CDIN1: variants seen among roughly 807,000 people sequenced by gnomAD.
CDIN1 encodes the protein CDAN1 interacting nuclease 1, also known as CDAN1-interacting nuclease 1.
Under a neutral mutation model 45.3 loss-of-function variants are expected in CDIN1, and 33 were observed. The ratio of observed to expected loss-of-function variants is 0.73; its 90% confidence interval spans 0.55 to 0.97. The LOEUF (loss-of-function observed/expected upper bound fraction) is 0.97, where lower values mean the gene tolerates loss of function less well. Among genes scored for constraint, CDIN1 ranks in the 50% least tolerant of loss-of-function variants. CDIN1 has a pLI of 0.00. For missense variants in CDIN1, 303 were observed against 339.4 expected, an observed-to-expected ratio of 0.89 and a Z score of 0.84; for synonymous variants, 118 against 124.4, an observed-to-expected ratio of 0.95 and a Z score of 0.34.
intron 10 of CDIN1, among the ~76,000 whole-genome samples, chr15:36,743,821 C>T (rs765840772): frequency 2.6e-5 from 4 of 151,538 alleles, no homozygotes; most frequent in African/African-American, 7.3e-5. Flanking sequence ...CCCTGGAGGT[C>T]GAGCCTGCAG....
chr15:36,651,414 T>C (rs371548700), intron 3 of CDIN1, among the ~76,000 whole-genome samples: 17 of 152,342 alleles, frequency 1.1e-4, no homozygotes, highest in Admixed American at 3.3e-4. Flanking sequence ...AATTATGTCT[T>C]TATGGAATAT....
intron 1 of CDIN1, chr15:36,626,967 A>G (rs527979922): frequency 9.9e-5 from 18 of 182,256 alleles, no homozygotes; most frequent in Non-Finnish European, 1.9e-4. Flanking sequence ...TCCATGGACC[A>G]CTGGATCTTA....
At chr15:36,721,310 A>C (rs2043409235) in intron 10 of CDIN1, among the ~76,000 whole-genome samples, 1 of 152,130 alleles carries the variant, frequency 6.6e-6, no homozygotes, top group South Asian at 2.1e-4. Flanking sequence ...CAATGTAGAC[A>C]TTTTAATGCA....
At chr15:36,670,823 TC>T (rs1466466597) in intron 5 of CDIN1, among the ~76,000 whole-genome samples, 1 of 152,172 alleles carries the variant, frequency 6.6e-6, no homozygotes, top group East Asian at 1.9e-4. Flanking sequence ...AAGTGTAGCT[TC>T]TTTAGGAATA....
At chr15:36,629,156 G>A (rs2039575793) in intron 1 of CDIN1, among the ~76,000 whole-genome samples, 1 of 152,226 alleles carries the variant, frequency 6.6e-6, no homozygotes, top group African/African-American at 2.4e-5. Context: ...CTCCAGAACT[G>A]TGAGAGAATA....
chr15:36,648,463 C>G (rs1431891688), intron 3 of CDIN1, among the ~76,000 whole-genome samples: 6 of 112,654 alleles, frequency 5.3e-5, no homozygotes, highest in African/African-American at 2.1e-4. Context: ...ACGGAGTCTC[C>G]CTCTGTCGCC....
At chr15:36,673,688 T>G (rs2041536000) in intron 5 of CDIN1, among the ~76,000 whole-genome samples, 1 of 152,094 alleles carries the variant, frequency 6.6e-6, no homozygotes. Context: ...GGCCCTTTTT[T>G]GTGTTTTCAA....
intron 5 of CDIN1, chr15:36,691,375 T>C: frequency 3.4e-6 from 1 of 297,316 alleles, no homozygotes; most frequent in Non-Finnish European, 6.3e-6. Flanking sequence ...TTTCTGATTT[T>C]TTTTTTTTTA....
At position 36,762,060 on chromosome 15, in the gene CDIN1, C is replaced by T. The variant is rs142313946; in HGVS notation, c.717-46264C>T. Among the ~76,000 whole-genome samples, 877 of 152,190 alleles carry T rather than the reference C, an allele frequency of 5.8e-3. 5 individuals carry two copies. Among genetic ancestry groups the T allele is most frequent in the Non-Finnish European group, 7.5e-3 (511 of 68,006 alleles). Reference sequence around the variant, plus strand: ...ATTCTAGAATATCAGTAGGACCAACCTTGGTTTCCTATCATATCTAGAGAG... The same window carrying T: ...ATTCTAGAATATCAGTAGGACCAACTTTGGTTTCCTATCATATCTAGAGAG... On this transcript the variant is annotated intron_variant, in intron 10 of 10. Coordinates refer to ENST00000566621, the MANE Select transcript of CDIN1 (RefSeq NM_001321759.2).
At chr15:36,774,161 T>TGCGCGC (rs756189878) in intron 10 of CDIN1, among the ~76,000 whole-genome samples, 1,016 of 50,670 alleles carry the variant, frequency 0.02, 1 homozygote, top group Middle Eastern at 0.18. Context: ...TGTGTGTGTG[T>TGCGCGC]GTGCGCGCGC....
At chr15:36,711,650 T>A (rs1304927250) in intron 10 of CDIN1, among the ~76,000 whole-genome samples, 1 of 152,190 alleles carries the variant, frequency 6.6e-6, no homozygotes, top group Non-Finnish European at 1.5e-5. Context: ...CTGAGCACAT[T>A]GTTTGAATAT....
chr15:36,785,819 C>G (rs1327810647), intron 10 of CDIN1, among the ~76,000 whole-genome samples: 1 of 152,082 alleles, frequency 6.6e-6, no homozygotes, highest in Non-Finnish European at 1.5e-5. Context: ...TTAATTTACC[C>G]CTCTATTTGC....
At chr15:36,643,797 A>T (rs2040204616) in intron 1 of CDIN1, among the ~76,000 whole-genome samples, 1 of 152,190 alleles carries the variant, frequency 6.6e-6, no homozygotes, top group Admixed American at 6.5e-5. Flanking sequence ...CCACTGTGCT[A>T]CTTCTAGTAA....
In CDIN1 at chr15:36,728,678, T is replaced by A. The variant is rs148997848; in HGVS notation, c.716+18717T>A. On this transcript the variant is annotated intron_variant, in intron 10 of 10. Coordinates refer to ENST00000566621, the MANE Select transcript of CDIN1 (RefSeq NM_001321759.2). ...AATAAGCCTTAAAATGTGAAAAAAA[T>A]TTTTTTTTCTTCTTACGACGAAGTG... is the stretch of plus-strand genomic sequence containing the variant. 2.5e-3 allele frequency among the ~76,000 whole-genome samples: 378 copies of A among 151,358 alleles called. 3 individuals are homozygous for A. Among genetic ancestry groups the A allele is most frequent in the African/African-American group, 7.5e-3 (310 of 41,316 alleles).
In CDIN1 at chr15:36,769,181, G is replaced by A. The variant is rs78539968; in HGVS notation, c.717-39143G>A. ...ATTACCCCAGAGGTAGTTTATATCA[G>A]TCAGGGTTCTCCAGAGAAACAAACC... On this transcript the variant is annotated intron_variant, in intron 10 of 10. Transcript: ENST00000566621. 6.2e-3 allele frequency among the ~76,000 whole-genome samples: 944 copies of A among 152,252 alleles called. 7 individuals carry two copies. Among genetic ancestry groups the A allele is most frequent in the African/African-American group, 0.021 (893 of 41,538 alleles).
At chr15:36,651,918 G>A (rs2040591583) in intron 3 of CDIN1, among the ~76,000 whole-genome samples, 1 of 152,186 alleles carries the variant, frequency 6.6e-6, no homozygotes, top group Admixed American at 6.5e-5. Context: ...CTTGATAGAA[G>A]TTCTTCACTG....
At chr15:36,701,566 A>G (rs930950038) in intron 8 of CDIN1, among the ~76,000 whole-genome samples, 1 of 152,210 alleles carries the variant, frequency 6.6e-6, no homozygotes, top group Non-Finnish European at 1.5e-5. Context: ...ATGGGTTGGC[A>G]TATCTCCAGG....
At chr15:36,754,894 T>A (rs2053569345) in intron 10 of CDIN1, among the ~76,000 whole-genome samples, 1 of 152,148 alleles carries the variant, frequency 6.6e-6, no homozygotes, top group African/African-American at 2.4e-5. Flanking sequence ...TTATTTTTCT[T>A]TGATTTTTCT....
intron 10 of CDIN1, among the ~76,000 whole-genome samples, chr15:36,735,779 T>G (rs2043996743): frequency 6.6e-6 from 1 of 152,204 alleles, no homozygotes; most frequent in Non-Finnish European, 1.5e-5. Flanking sequence ...ATTGTGTTGT[T>G]TAATAATTTT....
Sources: allele counts gnomAD v4.1 joint callset (sites outside exome capture counted in the v4.1 genomes callset), GRCh38; gene constraint gnomAD v4.1.1; transcripts MANE v1.5; gene names NCBI Gene and HGNC (gene_info 2026-07-23, HGNC 2026-07-21).